Variants in GNAQ observed in about 807,000 individuals in gnomAD.
GNAQ encodes guanine nucleotide-binding protein G(q) subunit alpha.
A neutral mutation model predicts 43.9 loss-of-function variants in GNAQ; 8 were observed. The observed-to-expected ratio is 0.18, with a 90% CI of 0.11 to 0.33. GNAQ has a LOEUF of 0.33. GNAQ is among the 10% of genes least tolerant of loss of function. GNAQ has a pLI of 1.00. For synonymous variants in GNAQ, 155 were observed against 170.7 expected (o/e 0.91, Z 0.71); for missense variants, 158 against 450.8 (o/e 0.35, Z 5.88).
At chr9:77,863,816 A>C (rs900041680) in intron 2 of GNAQ, among the ~76,000 whole-genome samples, 1 of 152,100 alleles carries the variant, frequency 6.6e-6, no homozygotes, top group Non-Finnish European at 1.5e-5. Context: ...TGTGCAGGGG[A>C]AACTCCAGTA....
chr9:77,777,437 G>C (rs888310726), intron 5 of GNAQ, among the ~76,000 whole-genome samples: 12 of 151,942 alleles, frequency 7.9e-5, no homozygotes, highest in Non-Finnish European at 1.3e-4. Context: ...CCTGGATTAG[G>C]CAAGTTTCTT....
At chr9:77,779,418 A>C (rs1826353386) in intron 5 of GNAQ, among the ~76,000 whole-genome samples, 1 of 151,990 alleles carries the variant, frequency 6.6e-6, no homozygotes, top group Non-Finnish European at 1.5e-5. Context: ...CCATGCTTAG[A>C]GACAAATTTA....
intron 1 of GNAQ, among the ~76,000 whole-genome samples, chr9:78,015,719 A>C (rs1050966697): frequency 6.6e-6 from 1 of 152,160 alleles, no homozygotes; most frequent in Admixed American, 6.5e-5. Context: ...TTGAAAAAAA[A>C]CTACAACCAC....
chr9:77,828,857 G>T (rs1305875310), intron 2 of GNAQ, among the ~76,000 whole-genome samples: 1 of 152,180 alleles, frequency 6.6e-6, no homozygotes, highest in Non-Finnish European at 1.5e-5. Context: ...TCTATAACTG[G>T]AATATTGGAT....
At position 77,793,969 on chromosome 9, in the gene GNAQ, G is replaced by A. The variant is rs563540554; in HGVS notation, c.735+494C>T. On this transcript the variant is annotated intron_variant, in intron 5 of 6. Coordinates refer to ENST00000286548, the MANE Select transcript of GNAQ (RefSeq NM_002072.5). The stretch of plus-strand genomic sequence containing the variant: ...AGAATTCTATAAGAGCAGAAAGGCC[G>A]CATCACCAAGATATTCCATGGTTCA... Among the ~76,000 whole-genome samples the A allele has an allele frequency of 1.1e-4, 17 of 152,142 alleles. No homozygotes were observed. In the South Asian group the frequency reaches 2.1e-3, roughly 19 times the overall value.
intron 2 of GNAQ, among the ~76,000 whole-genome samples, chr9:77,900,350 T>C (rs904529099): frequency 6.6e-6 from 1 of 152,236 alleles, no homozygotes; most frequent in Non-Finnish European, 1.5e-5. Flanking sequence ...TAGAAGCTTA[T>C]TGCTAAAATG....
intron 2 of GNAQ, among the ~76,000 whole-genome samples, chr9:77,873,813 T>C (rs1038155569): frequency 3.3e-5 from 5 of 152,112 alleles, no homozygotes; most frequent in East Asian, 3.9e-4. Context: ...TCTCAATATA[T>C]CTAAAGCCTT....
At chr9:77,886,509 A>C (rs1828308892) in intron 2 of GNAQ, among the ~76,000 whole-genome samples, 1 of 152,026 alleles carries the variant, frequency 6.6e-6, no homozygotes, top group South Asian at 2.1e-4. Flanking sequence ...TCCTGGAATG[A>C]GCTTTGAATT....
chr9:78,003,505 G>A (rs900247941), intron 1 of GNAQ, among the ~76,000 whole-genome samples: 1 of 152,046 alleles, frequency 6.6e-6, no homozygotes, highest in Non-Finnish European at 1.5e-5. Flanking sequence ...CTTTATCTTA[G>A]ACACTGAGAC....
chr9:77,753,978 T>C (rs1389505678), intron 5 of GNAQ, among the ~76,000 whole-genome samples: 4 of 152,194 alleles, frequency 2.6e-5, no homozygotes, highest in Non-Finnish European at 5.9e-5. Flanking sequence ...AAAAAACTTC[T>C]CTTGAAAGCA....
intron 5 of GNAQ, among the ~76,000 whole-genome samples, chr9:77,740,777 ATAT>A (rs1197768746): frequency 2.0e-5 from 3 of 152,224 alleles, no homozygotes; most frequent in African/African-American, 7.2e-5. Flanking sequence ...ATGAAGCTTA[ATAT>A]TAATGATAAC....
Position 77,978,247 on chromosome 9 carries a change from C to T in GNAQ, c.136+52853G>A, listed in dbSNP as rs553399021. Among the ~76,000 whole-genome samples the T allele has an allele frequency of 1.4e-4, 21 of 152,200 alleles. No homozygotes were observed. In the South Asian group the frequency reaches 3.5e-3, roughly 26 times the overall value. On this transcript the variant is annotated intron_variant, in intron 1 of 6. Transcript: ENST00000286548. Reference sequence around the variant, plus strand: ...CTTCAGACAGAATCTACTGACTTACCGCCTCCCCCGTATCTAACTCATTCA... The same window carrying T: ...CTTCAGACAGAATCTACTGACTTACTGCCTCCCCCGTATCTAACTCATTCA...
chr9:77,753,209 G>A (rs1825843850), intron 5 of GNAQ, among the ~76,000 whole-genome samples: 2 of 151,592 alleles, frequency 1.3e-5, no homozygotes, highest in Admixed American at 6.6e-5. Flanking sequence ...ACACATACCC[G>A]AGGCACATGT....
chr9:77,972,953 C>CA lies in GNAQ; in HGVS notation c.137-50609dup, dbSNP rs11356658. Among the ~76,000 whole-genome samples, 616 of 62,074 alleles carry CA rather than the reference C, an allele frequency of 9.9e-3. 3 individuals are homozygous for CA. Among genetic ancestry groups the CA allele is most frequent in the African/African-American group, 0.02 (326 of 16,270 alleles). 40.7% of individuals were successfully genotyped at this position (62,074 alleles called of 152,430 possible). A position where few individuals can be genotyped will look rare whatever the true frequency, so the allele number is the denominator to read the frequency against. ...GGGTGACAACAGCAAGACTCCATCT[C>CA]AAAAAAAAAAAAAAAATTCCTTTAC... On this transcript the variant is annotated intron_variant, in intron 1 of 6. Transcript: ENST00000286548.
At chr9:78,019,652 G>A (rs1287049665) in intron 1 of GNAQ, among the ~76,000 whole-genome samples, 3 of 152,160 alleles carry the variant, frequency 2.0e-5, no homozygotes, top group Non-Finnish European at 4.4e-5. Flanking sequence ...GCCAGGTGCG[G>A]TGGCTCAAGC....
At chr9:77,723,206 A>T (rs1825345723) in intron 6 of GNAQ, among the ~76,000 whole-genome samples, 2 of 152,156 alleles carry the variant, frequency 1.3e-5, no homozygotes, top group Non-Finnish European at 2.9e-5. Context: ...ACAGTGACAG[A>T]CCTCTCCACA....
intron 2 of GNAQ, among the ~76,000 whole-genome samples, chr9:77,836,636 A>C (rs1378640756): frequency 6.6e-6 from 1 of 152,220 alleles, no homozygotes; most frequent in Non-Finnish European, 1.5e-5. Context: ...GGCATCAACC[A>C]TTCTTAAAAC....
At chr9:77,972,411 GT>G (rs148433712) in intron 1 of GNAQ, among the ~76,000 whole-genome samples, 19,792 of 150,624 alleles carry the variant, frequency 0.13, 1,525 homozygotes, top group East Asian at 0.32. Context: ...TTCTCATACT[GT>G]TTTTTTTTCC....
chr9:77,947,762 G>A (rs577778248), intron 1 of GNAQ, among the ~76,000 whole-genome samples: 23 of 152,296 alleles, frequency 1.5e-4, no homozygotes, highest in African/African-American at 2.9e-4. Flanking sequence ...CAGTTCTGGG[G>A]TGGAGCATGA....
Sources: gnomAD v4.1 joint callset for allele counts (sites outside exome capture counted in the v4.1 genomes callset) on GRCh38, gnomAD v4.1.1 for gene constraint, MANE v1.5 for transcripts, NCBI Gene and HGNC (gene_info 2026-07-23, HGNC 2026-07-21) for gene names.